HUWE1: variants seen among roughly 807,000 people sequenced by gnomAD.
The protein encoded by HUWE1 is HECT, UBA and WWE domain containing E3 ubiquitin protein ligase 1.
A neutral mutation model predicts 299.4 loss-of-function variants in HUWE1; 18 were observed. The ratio of observed to expected loss-of-function variants is 0.06; its 90% CI spans 0.04 to 0.09. The LOEUF (loss-of-function observed/expected upper bound fraction) is 0.09. HUWE1 is among the 10% of genes least tolerant of loss of function. HUWE1 has a pLI of 1.00. For synonymous variants in HUWE1, 1,317 were observed against 1,286.1 expected, an observed-to-expected ratio of 1.02 and a Z score of -0.51; for missense variants, 1,832 against 3,462.3, an observed-to-expected ratio of 0.53 and a Z score of 11.82.
intron 74 of HUWE1, 62 bp from the exon 75 acceptor site, chrX:53,539,874 C>T: frequency 9.4e-7 from 1 of 1,059,029 alleles, no homozygotes; most frequent in Non-Finnish European, 1.3e-6. Context: ...TTAGATCTTT[C>T]TAGACCACAC....
chrX:53,613,274 T>TC (rs2065601912), intron 23 of HUWE1, among the ~76,000 whole-genome samples: 1 of 111,705 alleles, frequency 9.0e-6, no homozygotes, highest in Non-Finnish European at 1.9e-5. Context: ...TTAAAACACT[T>TC]GACACCCACA....
rs368697467 is a variant in HUWE1 at position 53,614,666 on chromosome X, G to C, written c.2129C>G (p.Thr710Ser). Reference protein sequence around the residue: ...QKPSIQKADGTATAPPPRSNH... With the variant: ...QKPSIQKADGSATAPPPRSNH... Reference sequence around the variant, plus strand: ...AGACCTTGGGGGAGGAGCAGTGGCAGTGCCATCTGCCTTCTGGATTGATGG... The same window carrying C: ...AGACCTTGGGGGAGGAGCAGTGGCACTGCCATCTGCCTTCTGGATTGATGG... The change falls in exon 23 of 84, where the codon ACT (threonine) becomes AGT (serine). Residue 710 changes from threonine to serine, a missense_variant. By Grantham distance (58) the Thr-to-Ser change is moderately conservative (BLOSUM62 1). Transcript: ENST00000262854. 66 of 1,203,861 alleles carry C rather than the reference G, an allele frequency of 5.5e-5. No individual in the cohort carries two copies. The highest frequency in any genetic ancestry group is 2.5e-4 in the South Asian group (14 of 56,656).
At chrX:53,662,801 A>C (rs943382995) in intron 3 of HUWE1, among the ~76,000 whole-genome samples, 2 of 112,103 alleles carry the variant, frequency 1.8e-5, no homozygotes, top group African/African-American at 6.5e-5. Context: ...CTAGCATTTA[A>C]AGGTAAGGCA....
rs782418974 is a variant in HUWE1 at position 53,586,916 on chromosome X, G to C, written c.4615-7C>G. On this transcript the variant is annotated splice_polypyrimidine_tract_variant and splice_region_variant and intron_variant, in intron 37 of 83. Coordinates refer to ENST00000262854, the MANE Select transcript of HUWE1 (RefSeq NM_031407.7). Reference sequence around the variant, plus strand: ...CACAAGGTAGCTTCAACTCCTGATAGATCAAAGGGAAAAAACAACAACAAC... The same window carrying C: ...CACAAGGTAGCTTCAACTCCTGATACATCAAAGGGAAAAAACAACAACAAC... 4 of 1,210,245 alleles carry C rather than the reference G, an allele frequency of 3.3e-6. No homozygotes were observed. The highest frequency in any genetic ancestry group is 4.5e-6 in the Non-Finnish European group (4 of 894,562).
intron 27 of HUWE1, 25 bp from the exon 28 acceptor site, chrX:53,602,683 A>G: frequency 1.3e-6 from 1 of 779,456 alleles, no homozygotes. Context: ...ATGCTGAGCA[A>G]AAGAAATATA....
intron 81 of HUWE1, among the ~76,000 whole-genome samples, 180 bp from the exon 82 acceptor site, chrX:53,534,877 C>G (rs1397252718): frequency 9.1e-6 from 1 of 110,406 alleles, no homozygotes; most frequent in Non-Finnish European, 1.9e-5. Context: ...CCTCCTGCCT[C>G]AGCCTCCCAA....
At chrX:53,537,334 T>G (rs1301624319) in intron 78 of HUWE1, 5 of 440,859 alleles carry the variant, frequency 1.1e-5, no homozygotes, top group Admixed American at 7.7e-5. Flanking sequence ...CTTTCCTGTC[T>G]GTCTGGGAAT....
At chrX:53,609,799 G>A (rs1331030956) in intron 23 of HUWE1, among the ~76,000 whole-genome samples, 1 of 112,096 alleles carries the variant, frequency 8.9e-6, no homozygotes, top group African/African-American at 3.2e-5. Flanking sequence ...AGAGGGAGAG[G>A]TAGAGGAAGA....
chrX:53,558,678 C>T lies in HUWE1; in HGVS notation c.8137G>A (p.Glu2713Lys). The T allele has an allele frequency of 8.3e-7, 1 of 1,211,031 alleles. No homozygotes were observed. Among genetic ancestry groups the T allele is most frequent in the Non-Finnish European group, 1.1e-6 (1 of 894,731 alleles). ...ACCTGTGCACTCTGATCCCTGTTCTCCTTATCTTCTTTGCCTTTATCAGTT... is the reference window on the plus strand; with the variant it reads ...ACCTGTGCACTCTGATCCCTGTTCTTCTTATCTTCTTTGCCTTTATCAGTT... ...KITDKGKEDKENRDQSAQCTA... is the reference protein window; with the variant it reads ...KITDKGKEDKKNRDQSAQCTA... Residue 2713 changes from glutamate (E) to lysine (K), a missense_variant, in exon 59 of 84, where the codon GAG (glutamate) becomes AAG (lysine). Glu to Lys is a moderately conservative substitution (Grantham distance 56). Transcript: ENST00000262854.
intron 48 of HUWE1, among the ~76,000 whole-genome samples, 186 bp downstream of exon 48, chrX:53,569,430 C>A (rs1322070458): frequency 1.8e-5 from 2 of 112,729 alleles, no homozygotes; most frequent in African/African-American, 6.4e-5. Flanking sequence ...CTAGGTTTAC[C>A]CACTTACTCT....
chrX:53,657,877 G>A (rs1448728336), intron 3 of HUWE1, among the ~76,000 whole-genome samples: 3 of 107,984 alleles, frequency 2.8e-5, no homozygotes, highest in African/African-American at 1.0e-4. Context: ...GTGAAACCCC[G>A]TCTCTACTAA....
chrX:53,668,644 T>C (rs2069373355), intron 3 of HUWE1, among the ~76,000 whole-genome samples: 1 of 111,450 alleles, frequency 9.0e-6, no homozygotes, highest in Non-Finnish European at 1.9e-5. Flanking sequence ...GTCTATCTCA[T>C]AGGATTGTGC....
intron 55 of HUWE1, among the ~76,000 whole-genome samples, chrX:53,561,236 C>T (rs1479895560): frequency 8.9e-6 from 1 of 111,935 alleles, no homozygotes; most frequent in African/African-American, 3.2e-5. Flanking sequence ...ATTCTAAGAA[C>T]TCGATTCTAA....
At position 53,560,237 on chromosome X, in the gene HUWE1, C is replaced by A; in HGVS notation, c.7687G>T (p.Val2563Phe). ...LTANTGHTIH[V>F]HYPGNRQPNP... ...GGCTGGCGATTCCCAGGGTAGTGAA[C>A]ATGAATGGTGTGGCCAGTATTGGCC... The change falls in exon 56 of 84, where the codon GTT becomes TTT. Residue 2563 changes from valine (V) to phenylalanine (F), a missense_variant. Coordinates refer to ENST00000262854, the MANE Select transcript of HUWE1 (RefSeq NM_031407.7). The A allele has an allele frequency of 1.7e-6, 2 of 1,207,601 alleles. No homozygotes were observed. Among genetic ancestry groups the A allele is most frequent in the Non-Finnish European group, 1.1e-6 (1 of 893,493 alleles).
Position 53,619,260 on chromosome X carries a change from G to A in HUWE1, c.1673-1814C>T, listed in dbSNP as rs782255307. ...TTCTGAAAAATTTAAGTCCTTTTTG[G>A]GGTTCCTATTGGTATGACACTCCCC... On this transcript the variant is annotated intron_variant, in intron 19 of 83. Transcript: ENST00000262854. Among the ~76,000 whole-genome samples the A allele has an allele frequency of 8.1e-5, 9 of 111,036 alleles. No individual in the cohort carries two copies. The South Asian group carries it at 1.9e-3, about 24-fold the overall frequency.
At chrX:53,643,633 T>C (rs1315327752) in intron 7 of HUWE1, among the ~76,000 whole-genome samples, 1 of 111,254 alleles carries the variant, frequency 9.0e-6, no homozygotes, top group Non-Finnish European at 1.9e-5. Flanking sequence ...ATTACAGGCG[T>C]GAGCCACCAC....
intron 17 of HUWE1, chrX:53,625,608 AATGCT>A: frequency 5.2e-6 from 1 of 193,281 alleles, no homozygotes; most frequent in Non-Finnish European, 9.6e-6. Flanking sequence ...AAAAGTATAA[AATGCT>A]ATGAAAGACA....
At chrX:53,541,283 G>C (rs1313227651) in intron 74 of HUWE1, among the ~76,000 whole-genome samples, 6 of 112,199 alleles carry the variant, frequency 5.3e-5, no homozygotes, top group Non-Finnish European at 1.1e-4. Flanking sequence ...GGGGAGCCAA[G>C]ATTTAAAACA....
intron 75 of HUWE1, 24 bp downstream of exon 75, chrX:53,539,633 C>A (rs2061251594): frequency 3.3e-6 from 4 of 1,209,668 alleles, no homozygotes; most frequent in Non-Finnish European, 4.5e-6. Context: ...GGGTTGGGAC[C>A]TGGGCCTTTA....
Sources: allele counts gnomAD v4.1 joint callset (sites outside exome capture counted in the v4.1 genomes callset), GRCh38; gene constraint gnomAD v4.1.1; transcripts MANE v1.5; gene names NCBI Gene and HGNC (gene_info 2026-07-23, HGNC 2026-07-21).